FAF1: variants seen among roughly 807,000 people sequenced by gnomAD.
FAF1 encodes FAS-associated factor 1.
FAF1 carries 25 observed loss-of-function variants against 92.5 expected under a neutral mutation model. The ratio of observed to expected loss-of-function variants is 0.27; its 90% confidence interval spans 0.20 to 0.38. The LOEUF is 0.38. Among genes scored for constraint, FAF1 ranks in the 10% least tolerant of loss-of-function variants. The probability of loss-of-function intolerance (pLI) is 1.00; values close to 1 mark genes in which losing one functional copy is unlikely to be tolerated. For missense variants in FAF1, 636 were observed against 793.3 expected (o/e 0.80, Z 2.38); for synonymous variants, 234 against 273.2 (o/e 0.86, Z 1.42).
intron 1 of FAF1, among the ~76,000 whole-genome samples, chr1:50,888,369 C>A (rs1570103325): frequency 6.6e-6 from 1 of 152,124 alleles, no homozygotes; most frequent in South Asian, 2.1e-4. Flanking sequence ...CCCTTTCTTT[C>A]TTTCTCCTGC....
In FAF1 at chr1:50,534,273, T is replaced by C. The variant is rs375669032; in HGVS notation, c.1494+1096A>G. Among the ~76,000 whole-genome samples the C allele has an allele frequency of 3.9e-5, 6 of 152,258 alleles. No individual in the cohort carries two copies. In the East Asian group the frequency reaches 1.2e-3, roughly 29 times the overall value. On this transcript the variant is annotated intron_variant, in intron 15 of 18. Transcript: ENST00000396153. ...TGGTTCCCTTTAGCCTTGGGGTCTA[T>C]ATTATCTTCTGCTGATAATTTTTTT...
intron 15 of FAF1, among the ~76,000 whole-genome samples, chr1:50,504,633 T>A (rs1227600806): frequency 6.6e-6 from 1 of 152,098 alleles, no homozygotes; most frequent in African/African-American, 2.4e-5. Flanking sequence ...CAACATCAAT[T>A]TCAAATGGTA....
At chr1:50,670,156 TA>T (rs1655809283) in intron 7 of FAF1, among the ~76,000 whole-genome samples, 1 of 151,852 alleles carries the variant, frequency 6.6e-6, no homozygotes, top group Admixed American at 6.6e-5. Flanking sequence ...AATTAAACTT[TA>T]AAAAAATGTT....
chr1:50,491,487 C>G (rs1417344515), intron 16 of FAF1, among the ~76,000 whole-genome samples: 1 of 152,170 alleles, frequency 6.6e-6, no homozygotes, highest in Non-Finnish European at 1.5e-5. Context: ...AACTAAGAAA[C>G]AAATGAGATA....
At chr1:50,755,391 T>G (rs139006724) in intron 4 of FAF1, among the ~76,000 whole-genome samples, 1 of 152,294 alleles carries the variant, frequency 6.6e-6, no homozygotes, top group African/African-American at 2.4e-5. Flanking sequence ...CTAGGTCACA[T>G]TGATGCAAGA....
At chr1:50,726,079 C>A (rs1329303571) in intron 6 of FAF1, among the ~76,000 whole-genome samples, 1 of 151,888 alleles carries the variant, frequency 6.6e-6, no homozygotes, top group Non-Finnish European at 1.5e-5. Context: ...ATGGTGAAAC[C>A]CTGTCTCTAC....
rs77340026 is a variant in FAF1 at position 50,445,135 on chromosome 1, T to C, written c.1870-3612A>G. 9.8e-3 allele frequency among the ~76,000 whole-genome samples: 1,495 copies of C among 152,300 alleles called. 24 individuals carry two copies. Among genetic ancestry groups the C allele is most frequent in the African/African-American group, 0.034 (1,421 of 41,552 alleles). ...TGGGGAACAGGTGGTTTTTGTTACA[T>C]GGGTATGTTCTTTAATGGTAATTTC... On this transcript the variant is annotated intron_variant, in intron 18 of 18. Transcript: ENST00000396153.
chr1:50,946,607 T>A (rs1042207277), intron 1 of FAF1, among the ~76,000 whole-genome samples: 3 of 152,182 alleles, frequency 2.0e-5, no homozygotes, highest in African/African-American at 7.2e-5. Context: ...GGATCTGAGT[T>A]TTATCCTGCT....
chr1:50,695,948 C>A (rs1048305529), intron 7 of FAF1, among the ~76,000 whole-genome samples: 15 of 129,374 alleles, frequency 1.2e-4, no homozygotes, highest in Admixed American at 5.5e-4. Context: ...CGTGCTTGGC[C>A]TTTTTTTTTT....
intron 8 of FAF1, among the ~76,000 whole-genome samples, chr1:50,638,795 C>G (rs746099111): frequency 6.6e-5 from 10 of 152,086 alleles, no homozygotes; most frequent in Non-Finnish European, 1.5e-4. Flanking sequence ...AAATTCTTCT[C>G]TATTCCCAGT....
intron 13 of FAF1, among the ~76,000 whole-genome samples, chr1:50,548,613 A>G (rs759847621): frequency 6.6e-6 from 1 of 152,210 alleles, no homozygotes; most frequent in Non-Finnish European, 1.5e-5. Context: ...CCACCTCCAC[A>G]GGCCACTTGA....
chr1:50,760,473 T>C (rs1292264595), intron 4 of FAF1, among the ~76,000 whole-genome samples: 1 of 151,970 alleles, frequency 6.6e-6, no homozygotes, highest in Non-Finnish European at 1.5e-5. Context: ...AGAACAGAAA[T>C]TATAACAAAC....
chr1:50,719,693 G>GA (rs1158997726), intron 6 of FAF1, among the ~76,000 whole-genome samples: 2 of 152,100 alleles, frequency 1.3e-5, no homozygotes, highest in East Asian at 3.9e-4. Flanking sequence ...GACAAAATTT[G>GA]AAAAAAGCAA....
chr1:50,482,321 G>C (rs1646713581), intron 17 of FAF1, among the ~76,000 whole-genome samples: 1 of 152,156 alleles, frequency 6.6e-6, no homozygotes, highest in Non-Finnish European at 1.5e-5. Context: ...TTATTGCTGA[G>C]TAGTATTCCA....
intron 2 of FAF1, among the ~76,000 whole-genome samples, chr1:50,841,237 C>G (rs531253063): frequency 9.2e-5 from 14 of 152,090 alleles, no homozygotes; most frequent in African/African-American, 3.4e-4. Flanking sequence ...GCCCTTGACA[C>G]ATATATATAA....
chr1:50,768,071 C>A (rs1401938818), intron 4 of FAF1, among the ~76,000 whole-genome samples: 1 of 152,104 alleles, frequency 6.6e-6, no homozygotes, highest in African/African-American at 2.4e-5. Flanking sequence ...TGCAATGACA[C>A]CCACTGGCTA....
intron 1 of FAF1, among the ~76,000 whole-genome samples, chr1:50,933,163 T>G (rs577147443): frequency 1.3e-5 from 2 of 152,352 alleles, no homozygotes; most frequent in East Asian, 3.9e-4. Context: ...GGCTCCTTGC[T>G]ACTTATGCAA....
chr1:50,740,717 G>T (rs2124489281), intron 5 of FAF1, among the ~76,000 whole-genome samples: 1 of 151,892 alleles, frequency 6.6e-6, no homozygotes, highest in South Asian at 2.1e-4. Flanking sequence ...ATTGCATTTG[G>T]CAATTACCTA....
chr1:50,796,406 A>G (rs1661753429), intron 3 of FAF1, among the ~76,000 whole-genome samples: 1 of 152,044 alleles, frequency 6.6e-6, no homozygotes, highest in Non-Finnish European at 1.5e-5. Context: ...TACCATTATC[A>G]GCTGAACAGG....
Sources: gnomAD v4.1 joint callset for allele counts (sites outside exome capture counted in the v4.1 genomes callset) on GRCh38, gnomAD v4.1.1 for gene constraint, MANE v1.5 for transcripts, NCBI Gene and HGNC (gene_info 2026-07-23, HGNC 2026-07-21) for gene names.